The following DDX60L variants were observed in gnomAD, a reference collection of about 807,000 sequenced individuals.
DDX60L encodes the protein probable ATP-dependent RNA helicase DDX60-like.
DDX60L carries 191 observed loss-of-function variants against 211.6 expected under a neutral mutation model. The ratio of observed to expected loss-of-function variants is 0.90; its 90% confidence interval spans 0.80 to 1.02. The LOEUF is 1.02. DDX60L is among the 50% of genes least tolerant of loss of function. The pLI, the probability that DDX60L is intolerant of heterozygous loss-of-function variation, is 0.00. For synonymous variants in DDX60L, 706 were observed against 694.1 expected, an observed-to-expected ratio of 1.02 and a Z score of -0.27; for missense variants, 2,007 against 1,984.1, an observed-to-expected ratio of 1.01 and a Z score of -0.22.
chr4:168,458,408 G>A lies in DDX60L; in HGVS notation c.607-400C>T, dbSNP rs573132038. On this transcript the variant is annotated intron_variant, in intron 5 of 37. Transcript: ENST00000682922. ...GCAAAGACATGAAATCAACCCAAAT[G>A]CCCATCAATCATAGATTGGATAAAG... 5.3e-5 allele frequency among the ~76,000 whole-genome samples: 8 copies of A among 152,196 alleles called. No homozygotes were observed. In the East Asian group the frequency reaches 1.5e-3, roughly 29 times the overall value.
chr4:168,371,669 G>A lies in DDX60L; in HGVS notation c.4871C>T (p.Ala1624Val). The A allele has an allele frequency of 6.2e-7, 1 of 1,600,338 alleles. No homozygotes were observed. Among genetic ancestry groups the A allele is most frequent in the Non-Finnish European group, 8.5e-7 (1 of 1,173,010 alleles). Residue 1624 changes from alanine (A) to valine (V), a missense_variant, in exon 36 of 38, where the codon GCA (alanine) becomes GTA (valine). Coordinates refer to ENST00000682922, the MANE Select transcript of DDX60L (RefSeq NM_001012967.3). ...DNRGRRMPLN[A>V]YVLNFYKHNC... ...GTGTTTATAGAAATTGAGCACATAT[G>A]CATTTAGTGGCATTCTCCTTCCTCG...
At chr4:168,425,607 C>T (rs1751331855) in intron 14 of DDX60L, among the ~76,000 whole-genome samples, 1 of 152,050 alleles carries the variant, frequency 6.6e-6, no homozygotes, top group African/African-American at 2.4e-5. Flanking sequence ...ACTAAAAATA[C>T]AAAAATTAGC....
At chr4:168,396,730 C>T (rs529068309) in intron 26 of DDX60L, among the ~76,000 whole-genome samples, 1 of 151,642 alleles carries the variant, frequency 6.6e-6, no homozygotes, top group Non-Finnish European at 1.5e-5. Flanking sequence ...CCGAGAAGAC[C>T]TGGAGCTCCG....
At chr4:168,421,481 C>T (rs1348037249) in intron 17 of DDX60L, among the ~76,000 whole-genome samples, 1 of 152,074 alleles carries the variant, frequency 6.6e-6, no homozygotes, top group Non-Finnish European at 1.5e-5. Flanking sequence ...ATGGTGAAAC[C>T]CTGTCTCTAC....
At position 168,432,576 on chromosome 4, in the gene DDX60L, A is replaced by C. The variant is rs1181050388; in HGVS notation, c.1401-6T>G. On this transcript the variant is annotated splice_region_variant and splice_polypyrimidine_tract_variant and intron_variant, in intron 11 of 37. Coordinates refer to ENST00000682922, the MANE Select transcript of DDX60L (RefSeq NM_001012967.3). ...AAGGAACAACCGGATCATCACTGTAAAAATAAATACATAATTTTTTTAAAT... is the reference window on the plus strand; with the variant it reads ...AAGGAACAACCGGATCATCACTGTACAAATAAATACATAATTTTTTTAAAT... The C allele has an allele frequency of 1.3e-6, 2 of 1,503,452 alleles. No homozygotes were observed. Among genetic ancestry groups the C allele is most frequent in the Non-Finnish European group, 1.8e-6 (2 of 1,115,056 alleles). The allele number at this position is 1,503,452 out of a possible 1,614,324, so 93.1% of individuals were successfully genotyped here.
At chr4:168,473,285 G>A (rs1228547109) in intron 1 of DDX60L, among the ~76,000 whole-genome samples, 4 of 152,194 alleles carry the variant, frequency 2.6e-5, no homozygotes, top group African/African-American at 9.7e-5. Context: ...CCATTGATGG[G>A]TTTTAAACTG....
intron 33 of DDX60L, among the ~76,000 whole-genome samples, chr4:168,377,100 G>A (rs1368716989): frequency 2.0e-5 from 3 of 152,010 alleles, no homozygotes; most frequent in Non-Finnish European, 4.4e-5. Flanking sequence ...AAACCAACCT[G>A]GCCAACCTGA....
intron 36 of DDX60L, among the ~76,000 whole-genome samples, chr4:168,368,539 G>A (rs762309816): frequency 6.6e-5 from 10 of 152,360 alleles, no homozygotes; most frequent in South Asian, 2.1e-4. Flanking sequence ...GAGCCCCCAC[G>A]CAGAATCCTA....
At chr4:168,473,335 CTA>C (rs1759052300) in intron 1 of DDX60L, among the ~76,000 whole-genome samples, 1 of 152,324 alleles carries the variant, frequency 6.6e-6, no homozygotes, top group African/African-American at 2.4e-5. Flanking sequence ...AAACATTACT[CTA>C]TCTTTAGTAG....
In DDX60L at chr4:168,441,616, A is replaced by C. The variant is rs546510839; in HGVS notation, c.1139-124T>G. On this transcript the variant is annotated intron_variant, in intron 9 of 37. Coordinates refer to ENST00000682922, the MANE Select transcript of DDX60L (RefSeq NM_001012967.3). ...TGATCAAATATGGAAACTTACAGTGAGTTACACAATACACTTGCATGAAAA... is the reference window on the plus strand; with the variant it reads ...TGATCAAATATGGAAACTTACAGTGCGTTACACAATACACTTGCATGAAAA... 187 of 736,812 alleles carry C rather than the reference A, an allele frequency of 2.5e-4. 2 individuals carry two copies. The African/African-American group carries it at 2.7e-3, about 11-fold the overall frequency. The allele number at this position is 736,812 out of a possible 1,614,324, so 45.6% of individuals were successfully genotyped here.
intron 19 of DDX60L, among the ~76,000 whole-genome samples, chr4:168,418,383 T>G (rs1027779597): frequency 2.6e-5 from 4 of 152,322 alleles, no homozygotes; most frequent in Non-Finnish European, 5.9e-5. Context: ...ACCCATGTTT[T>G]AACATTATTG....
At chr4:168,433,663 G>A (rs1173651699) in intron 10 of DDX60L, among the ~76,000 whole-genome samples, 1 of 152,102 alleles carries the variant, frequency 6.6e-6, no homozygotes, top group Non-Finnish European at 1.5e-5. Flanking sequence ...GTTCAAAACT[G>A]TAGATGAAAA....
At chr4:168,459,292 C>G (rs544464825) in intron 5 of DDX60L, among the ~76,000 whole-genome samples, 2 of 152,018 alleles carry the variant, frequency 1.3e-5, no homozygotes, top group African/African-American at 4.8e-5. Context: ...TTGAAACCAG[C>G]CTGGGCAACA....
intron 9 of DDX60L, among the ~76,000 whole-genome samples, chr4:168,442,459 C>A (rs1019445552): frequency 3.9e-5 from 6 of 152,176 alleles, no homozygotes; most frequent in Admixed American, 6.5e-5. Flanking sequence ...GAGGGGCGCC[C>A]GCCATTGCCC....
chr4:168,412,658 T>G (rs978660355), intron 22 of DDX60L, among the ~76,000 whole-genome samples: 1 of 152,064 alleles, frequency 6.6e-6, no homozygotes, highest in Non-Finnish European at 1.5e-5. Flanking sequence ...GATTGTAGAG[T>G]CCTCAGGCCT....
At position 168,472,520 on chromosome 4, in the gene DDX60L, T is replaced by A; in HGVS notation, c.9A>T (p.Ser3=). 1.3e-6 allele frequency: 2 copies of A among 1,580,174 alleles called. No individual in the cohort carries two copies. The highest frequency in any genetic ancestry group is 1.7e-6 in the Non-Finnish European group (2 of 1,161,632). The change falls in exon 3 of 38, where the codon TCA becomes TCT. Residue 3 remains serine (S), a synonymous_variant. Coordinates refer to ENST00000682922, the MANE Select transcript of DDX60L (RefSeq NM_001012967.3). ...CCCTGAAAAATACTGCATGATCCTT[T>A]GACCCTAAAAATAAGGAGATTTTTT... is the stretch of plus-strand genomic sequence containing the variant. The part of the protein sequence containing the change: MG[S]KDHAVFFREM...
chr4:168,400,719 A>G, intron 26 of DDX60L, 107 bp downstream of exon 26: 1 of 992,610 alleles, frequency 1.0e-6, no homozygotes, highest in East Asian at 2.7e-5. Context: ...CTGTGAAGCA[A>G]TAACAAGAAC....
At chr4:168,423,457 A>C in intron 15 of DDX60L, 151 bp downstream of exon 15, 843 of 332,324 alleles carry the variant, frequency 2.5e-3, no homozygotes, top group East Asian at 3.9e-3. Flanking sequence ...TTAATAAGTA[A>C]TCTCATATCT....
intron 30 of DDX60L, chr4:168,380,678 C>T (rs1484972005): frequency 6.6e-6 from 1 of 152,102 alleles, no homozygotes; most frequent in Non-Finnish European, 1.5e-5. Context: ...AGGAGTGGGG[C>T]ACTGCTATAA....
Sources: allele counts gnomAD v4.1 joint callset (sites outside exome capture counted in the v4.1 genomes callset), GRCh38; gene constraint gnomAD v4.1.1; transcripts MANE v1.5; gene names NCBI Gene and HGNC (gene_info 2026-07-23, HGNC 2026-07-21).